The following ANO10 variants were observed in gnomAD, a reference collection of about 807,000 sequenced individuals.
The protein encoded by ANO10 is anoctamin 10.
Under a neutral mutation model 74.7 loss-of-function variants are expected in ANO10, and 77 were observed. The observed-to-expected ratio is 1.03, with a 90% CI of 0.86 to 1.25. ANO10 has a LOEUF of 1.25. Among genes scored for constraint, ANO10 ranks in the 50% most tolerant of loss-of-function variants. The pLI is 0.00. For synonymous variants in ANO10, 279 were observed against 284.9 expected (o/e 0.98, Z 0.21); for missense variants, 721 against 778.1 (o/e 0.93, Z 0.87).
intron 12 of ANO10, among the ~76,000 whole-genome samples, chr3:43,414,474 G>C (rs757086555): frequency 5.3e-5 from 8 of 152,186 alleles, no homozygotes; most frequent in Non-Finnish European, 1.0e-4. Flanking sequence ...AGTCCCAAAA[G>C]AGATATCCAA....
chr3:43,400,556 T>C (rs1310553712), intron 12 of ANO10, among the ~76,000 whole-genome samples: 2 of 152,038 alleles, frequency 1.3e-5, no homozygotes, highest in Admixed American at 1.3e-4. Flanking sequence ...GGAGAATTGC[T>C]TGAGCCCAGG....
intron 4 of ANO10, among the ~76,000 whole-genome samples, chr3:43,593,726 C>A (rs1159049336): frequency 6.6e-6 from 1 of 152,196 alleles, no homozygotes; most frequent in Non-Finnish European, 1.5e-5. Context: ...AACCAGCTAA[C>A]ATCATAATGA....
chr3:43,615,025 T>TTCC (rs2083028687), intron 1 of ANO10, among the ~76,000 whole-genome samples: 1 of 151,230 alleles, frequency 6.6e-6, no homozygotes, highest in East Asian at 1.9e-4. Context: ...ATGGAGAGAT[T>TTCC]TCCTGACACA....
Position 43,549,809 on chromosome 3 carries a change from T to G in ANO10, c.1708A>C (p.Asn570His), listed in dbSNP as rs768152076. 1 of 1,614,026 alleles carries G rather than the reference T, an allele frequency of 6.2e-7. No individual in the cohort carries two copies. The highest frequency in any genetic ancestry group is 8.5e-7 in the Non-Finnish European group (1 of 1,179,902). ...ETMSVISVVT[N>H]CALIGMSPQV... is the part of the protein sequence containing the mutation. ...GGTGACATTCCAATCAGCGCACAGT[T>G]AGTGACCACAGATATAACACTCATC... Residue 570 changes from asparagine (N) to histidine (H), a missense_variant, in exon 11 of 13, where the codon AAC becomes CAC. By Grantham distance (68) the Asn-to-His change is moderately conservative. Coordinates refer to ENST00000292246, the MANE Select transcript of ANO10 (RefSeq NM_018075.5).
chr3:43,596,625 A>C (rs1005481316), intron 4 of ANO10, among the ~76,000 whole-genome samples: 2 of 152,238 alleles, frequency 1.3e-5, no homozygotes, highest in African/African-American at 4.8e-5. Context: ...AGATGGATTA[A>C]AGACTTAATG....
chr3:43,496,310 C>T (rs936316711), intron 11 of ANO10, among the ~76,000 whole-genome samples: 1 of 152,204 alleles, frequency 6.6e-6, no homozygotes, highest in East Asian at 1.9e-4. Flanking sequence ...TATTTATTTA[C>T]CTGTATATAT....
At chr3:43,447,180 G>C (rs1026988960) in intron 11 of ANO10, among the ~76,000 whole-genome samples, 1 of 152,146 alleles carries the variant, frequency 6.6e-6, no homozygotes, top group African/African-American at 2.4e-5. Context: ...TCCAACATTT[G>C]TCATTTTGTG....
intron 1 of ANO10, among the ~76,000 whole-genome samples, chr3:43,620,399 A>G (rs2083328233): frequency 6.6e-6 from 1 of 152,246 alleles, no homozygotes; most frequent in South Asian, 2.1e-4. Context: ...TTAGGAAGAA[A>G]TGCATCAAAA....
intron 1 of ANO10, among the ~76,000 whole-genome samples, chr3:43,649,785 AC>A (rs566689642): frequency 4.3e-4 from 66 of 151,978 alleles, no homozygotes; most frequent in South Asian, 1.2e-3. Context: ...GAGTTCCCTG[AC>A]CCCCCTTGCA....
intron 2 of ANO10, among the ~76,000 whole-genome samples, chr3:43,601,978 C>T (rs1168587420): frequency 6.6e-6 from 1 of 152,308 alleles, no homozygotes; most frequent in East Asian, 1.9e-4. Flanking sequence ...CAGCTGGGCA[C>T]GGAGGGGACA....
intron 10 of ANO10, among the ~76,000 whole-genome samples, chr3:43,551,817 A>T (rs2079476600): frequency 1.3e-5 from 2 of 152,028 alleles, no homozygotes; most frequent in South Asian, 2.1e-4. Context: ...AACCTACCTA[A>T]ATCATATTTG....
intron 1 of ANO10, among the ~76,000 whole-genome samples, chr3:43,609,268 A>G (rs777656120): frequency 1.8e-4 from 28 of 152,204 alleles, no homozygotes; most frequent in Non-Finnish European, 3.5e-4. Context: ...TACTAAATGA[A>G]ATCTTCATTT....
At chr3:43,539,368 G>C (rs7620124) in intron 11 of ANO10, among the ~76,000 whole-genome samples, 1 of 152,350 alleles carries the variant, frequency 6.6e-6, no homozygotes, top group African/African-American at 2.4e-5. Context: ...AAAACCAAAC[G>C]TGCTTTTTTA....
chr3:43,684,849 C>A (rs997689022), intron 1 of ANO10, among the ~76,000 whole-genome samples: 1 of 152,090 alleles, frequency 6.6e-6, no homozygotes, highest in African/African-American at 2.4e-5. Context: ...CCAAACACCG[C>A]ATGTTCTCAC....
intron 1 of ANO10, among the ~76,000 whole-genome samples, chr3:43,660,128 C>G (rs1032673710): frequency 9.9e-5 from 15 of 152,120 alleles, no homozygotes; most frequent in African/African-American, 3.4e-4. Context: ...GATAAAACCA[C>G]AAAGATGGGG....
intron 9 of ANO10, among the ~76,000 whole-genome samples, chr3:43,556,688 G>GT (rs745458220): frequency 7.2e-5 from 11 of 152,074 alleles, no homozygotes; most frequent in Non-Finnish European, 1.5e-4. Context: ...CTCTCTTTTT[G>GT]TTGGACCATG....
intron 12 of ANO10, among the ~76,000 whole-genome samples, chr3:43,412,084 T>A (rs1423911767): frequency 6.7e-6 from 1 of 149,098 alleles, no homozygotes; most frequent in Non-Finnish European, 1.5e-5. Flanking sequence ...TATTTTAAAC[T>A]GACAAGTCCA....
At chr3:43,584,685 G>A (rs757673465) in intron 4 of ANO10, among the ~76,000 whole-genome samples, 5 of 152,134 alleles carry the variant, frequency 3.3e-5, no homozygotes, top group Non-Finnish European at 7.3e-5. Context: ...GCATAGTCAT[G>A]GACCTACAAT....
chr3:43,469,821 A>G (rs1289068670), intron 11 of ANO10, among the ~76,000 whole-genome samples: 1 of 152,212 alleles, frequency 6.6e-6, no homozygotes, highest in Non-Finnish European at 1.5e-5. Flanking sequence ...CCACAAACAT[A>G]TATTTTAAAT....
Sources: allele counts gnomAD v4.1 joint callset (sites outside exome capture counted in the v4.1 genomes callset), GRCh38; gene constraint gnomAD v4.1.1; transcripts MANE v1.5; gene names NCBI Gene and HGNC (gene_info 2026-07-23, HGNC 2026-07-21).